Variants in EEF2K observed in about 807,000 individuals in gnomAD.
The protein encoded by EEF2K is alternative protein EEF2K.
EEF2K carries 70 observed loss-of-function variants against 93.8 expected under a neutral mutation model. The ratio of observed to expected loss-of-function variants is 0.75; its 90% confidence interval spans 0.62 to 0.91. EEF2K has a LOEUF of 0.91. Ranked by LOEUF, EEF2K falls within the 40% of genes least tolerant of loss-of-function variation. EEF2K has a pLI of 0.00. For synonymous variants in EEF2K, 376 were observed against 380.8 expected (o/e 0.99, Z 0.15); for missense variants, 935 against 972.9 (o/e 0.96, Z 0.52).
intron 3 of EEF2K, 142 bp from the exon 4 acceptor site, chr16:22,248,613 G>T: frequency 1.2e-6 from 1 of 859,604 alleles, no homozygotes; most frequent in Non-Finnish European, 1.8e-6. Context: ...CAACCCAGGA[G>T]GTTGGCTGGG....
chr16:22,225,769 G>C lies in EEF2K; in HGVS notation c.40G>C (p.Asp14His). Reference protein sequence around the residue: ...EDLIFRLEGVDGGQSPRAGHD... With the variant: ...EDLIFRLEGVHGGQSPRAGHD... ...TCTCATCTTCCGCCTGGAAGGCGTT[G>C]ATGGCGGCCAGTCCCCCCGAGCTGG... Residue 14 changes from aspartate to histidine, a missense_variant, in exon 2 of 18, where the codon GAT (aspartate) becomes CAT (histidine). Asp to His is a moderately conservative substitution (Grantham distance 81, BLOSUM62 -1). Coordinates refer to ENST00000263026, the MANE Select transcript of EEF2K (RefSeq NM_013302.5). 1.2e-6 allele frequency: 2 copies of C among 1,614,218 alleles called. No individual in the cohort carries two copies. Among genetic ancestry groups the C allele is most frequent in the Non-Finnish European group, 1.7e-6 (2 of 1,180,046 alleles).
At chr16:22,261,836 C>T (rs932049895) in intron 11 of EEF2K, among the ~76,000 whole-genome samples, 1 of 151,480 alleles carries the variant, frequency 6.6e-6, no homozygotes, top group South Asian at 2.1e-4. Flanking sequence ...GAAACCTCAT[C>T]CCTACAAAAA....
rs2047432104 is a variant in EEF2K, at chr16:22,258,624, A to T, written c.1160A>T (p.Asp387Val). 6.2e-7 allele frequency: 1 copy of T among 1,614,048 alleles called. No individual in the cohort carries two copies. The highest frequency in any genetic ancestry group is 8.5e-7 in the Non-Finnish European group (1 of 1,180,034). ...AACTCTGGAGACGAGAACATGAGCG[A>T]CGTGACCTTCGACTCTCTCCCTTCT... is the stretch of plus-strand genomic sequence containing the variant. ...SENSGDENMS[D>V]VTFDSLPSSP... is the part of the protein sequence containing the mutation. Residue 387 changes from aspartate to valine, a missense_variant, in exon 10 of 18, where the codon GAC (aspartate) becomes GTC (valine). Transcript: ENST00000263026.
At position 22,260,477 on chromosome 16, in the gene EEF2K, G is replaced by C; in HGVS notation, c.1247G>C (p.Ser416Thr). 1 of 1,614,176 alleles carries C rather than the reference G, an allele frequency of 6.2e-7. No homozygotes were observed. Among genetic ancestry groups the C allele is most frequent in the Middle Eastern group, 1.6e-4 (1 of 6,062 alleles). Reference protein sequence around the residue: ...KLDHLHWPVFSDLDNMASRDH... With the variant: ...KLDHLHWPVFTDLDNMASRDH... ...CCCTGCCCAGATTGGCCAGTGTTCA[G>C]TGACCTCGATAACATGGCATCCAGA... The change falls in exon 11 of 18, where the codon AGT (serine) becomes ACT (threonine). Residue 416 changes from serine (S) to threonine (T), a missense_variant. Ser to Thr is a moderately conservative substitution (Grantham distance 58). Transcript: ENST00000263026.
At chr16:22,219,723 A>C (rs1198556182) in intron 1 of EEF2K, among the ~76,000 whole-genome samples, 1 of 152,236 alleles carries the variant, frequency 6.6e-6, no homozygotes, top group East Asian at 1.9e-4. Flanking sequence ...GTAGAAAGGA[A>C]AAAAGAAAAT....
chr16:22,245,068 C>G (rs1225735240), intron 3 of EEF2K, among the ~76,000 whole-genome samples: 2 of 151,912 alleles, frequency 1.3e-5, no homozygotes, highest in Non-Finnish European at 2.9e-5. Context: ...TCAAGACCAG[C>G]CTGGCCGACA....
Position 22,284,690 on chromosome 16 carries a change from T to C in EEF2K, c.*694T>C, listed in dbSNP as rs895425115. The stretch of plus-strand genomic sequence containing the variant: ...ATTTTAGGGCTGTGCTCACTAGTCT[T>C]TTCAGGCTGGACTGAAATGTCGGGC... On this transcript the variant is annotated 3_prime_UTR_variant, in exon 18 of 18. Coordinates refer to ENST00000263026, the MANE Select transcript of EEF2K (RefSeq NM_013302.5). The C allele has an allele frequency of 4.6e-5, 7 of 152,100 alleles. No homozygotes were observed. Among genetic ancestry groups the C allele is most frequent in the Non-Finnish European group, 8.8e-5 (6 of 68,024 alleles). 9.4% of individuals were successfully genotyped at this position (152,100 alleles called of 1,614,324 possible).
chr16:22,207,949 T>A (rs938567769), intron 1 of EEF2K, among the ~76,000 whole-genome samples: 1 of 152,156 alleles, frequency 6.6e-6, no homozygotes, highest in Non-Finnish European at 1.5e-5. Flanking sequence ...AGTTCAGAGA[T>A]GGCGTATGCA....
At chr16:22,225,397 A>C (rs1351810444) in intron 1 of EEF2K, among the ~76,000 whole-genome samples, 1 of 152,236 alleles carries the variant, frequency 6.6e-6, no homozygotes, top group Non-Finnish European at 1.5e-5. Flanking sequence ...CACTCTGCTT[A>C]AGAAGCCATT....
chr16:22,206,938 G>T (rs1420285024), intron 1 of EEF2K, among the ~76,000 whole-genome samples: 1 of 152,238 alleles, frequency 6.6e-6, no homozygotes, highest in Non-Finnish European at 1.5e-5. Flanking sequence ...GGCAAGCAAT[G>T]GGCGGTGATC....
At position 22,258,859 on chromosome 16, in the gene EEF2K, A is replaced by G. The variant is rs140153442; in HGVS notation, c.1231+164A>G. ...TTCATTGAGTGAACTTTCAAAACAG[A>G]TCATCCAAATGCTATAAAAACAACC... On this transcript the variant is annotated intron_variant, in intron 10 of 17. Coordinates refer to ENST00000263026, the MANE Select transcript of EEF2K (RefSeq NM_013302.5). The G allele has an allele frequency of 5.8e-6, 5 of 858,290 alleles. No homozygotes were observed. The East Asian group carries it at 1.1e-4, about 19-fold the overall frequency. 53.2% of individuals were successfully genotyped at this position (858,290 alleles called of 1,614,324 possible). A position where few individuals can be genotyped will look rare whatever the true frequency, so the allele number is the denominator to read the frequency against.
intron 6 of EEF2K, among the ~76,000 whole-genome samples, chr16:22,256,287 G>C (rs2047397677): frequency 6.6e-6 from 1 of 152,076 alleles, no homozygotes; most frequent in African/African-American, 2.4e-5. Context: ...GGTAGAGACA[G>C]GGTTTCACCA....
intron 2 of EEF2K, among the ~76,000 whole-genome samples, chr16:22,226,534 TAAA>T (rs2047066844): frequency 6.8e-6 from 1 of 147,920 alleles, no homozygotes; most frequent in Non-Finnish European, 1.5e-5. Flanking sequence ...TTTTTTTTTA[TAAA>T]CGTGGTCTCG....
intron 15 of EEF2K, among the ~76,000 whole-genome samples, chr16:22,271,365 A>G (rs1422560068): frequency 1.3e-5 from 2 of 152,040 alleles, no homozygotes; most frequent in African/African-American, 2.4e-5. Flanking sequence ...GTGCCCACAT[A>G]TATGTAAATA....
chr16:22,220,576 T>G (rs1340336365), intron 1 of EEF2K, among the ~76,000 whole-genome samples: 2 of 152,196 alleles, frequency 1.3e-5, no homozygotes, highest in South Asian at 4.1e-4. Context: ...CCTGAGTAGC[T>G]GGGACTACAG....
In EEF2K at chr16:22,284,035, C is replaced by A; in HGVS notation, c.*39C>A. 1 of 1,499,686 alleles carries A rather than the reference C, an allele frequency of 6.7e-7. No individual in the cohort carries two copies. Among genetic ancestry groups the A allele is most frequent in the Non-Finnish European group, 9.0e-7 (1 of 1,106,262 alleles). 92.9% of individuals were successfully genotyped at this position (1,499,686 alleles called of 1,614,324 possible). A position where few individuals can be genotyped will look rare whatever the true frequency, so the allele number is the denominator to read the frequency against. Reference sequence around the variant, plus strand: ...TGCCGGCTAGTCCCAAGCAAACGGGCTAGGAGGAAAGATTAAAAAAACAAC... The same window carrying A: ...TGCCGGCTAGTCCCAAGCAAACGGGATAGGAGGAAAGATTAAAAAAACAAC... On this transcript the variant is annotated 3_prime_UTR_variant, in exon 18 of 18. Transcript: ENST00000263026.
At chr16:22,209,322 A>C (rs2046893248) in intron 1 of EEF2K, among the ~76,000 whole-genome samples, 1 of 152,002 alleles carries the variant, frequency 6.6e-6, no homozygotes, top group Non-Finnish European at 1.5e-5. Context: ...CACCATGCCC[A>C]CCCGGGAAGG....
chr16:22,207,627 C>A (rs2046875896), intron 1 of EEF2K, among the ~76,000 whole-genome samples: 1 of 152,072 alleles, frequency 6.6e-6, no homozygotes, highest in African/African-American at 2.4e-5. Flanking sequence ...TGGCCAAGAG[C>A]CCTGTGGTTG....
Position 22,258,542 on chromosome 16 carries a change from C to A in EEF2K, c.1078C>A (p.Pro360Thr), listed in dbSNP as rs756569293. The change falls in exon 10 of 18, where the codon CCC (proline) becomes ACC (threonine). Residue 360 changes from proline (P) to threonine (T), a missense_variant. By Grantham distance (38) the Pro-to-Thr change is conservative (BLOSUM62 -1). Transcript: ENST00000263026. ...LRGTEEKCGSPQVRTLSGSRP... is the reference protein window; with the variant it reads ...LRGTEEKCGSTQVRTLSGSRP... ...AGGAACAGAGGAAAAATGTGGGAGCCCCCAAGTAAGGACCCTCTCTGGGAG... is the reference window on the plus strand; with the variant it reads ...AGGAACAGAGGAAAAATGTGGGAGCACCCAAGTAAGGACCCTCTCTGGGAG... 6.2e-7 allele frequency: 1 copy of A among 1,613,882 alleles called. No individual in the cohort carries two copies. The highest frequency in any genetic ancestry group is 8.5e-7 in the Non-Finnish European group (1 of 1,180,028).
Sources: allele counts gnomAD v4.1 joint callset (sites outside exome capture counted in the v4.1 genomes callset), GRCh38; gene constraint gnomAD v4.1.1; transcripts MANE v1.5; gene names NCBI Gene and HGNC (gene_info 2026-07-23, HGNC 2026-07-21).